The following CCDC146 variants were observed in gnomAD, a reference collection of about 807,000 sequenced individuals.
CCDC146 encodes coiled-coil domain-containing protein 146.
A neutral mutation model predicts 119.3 loss-of-function variants in CCDC146; 92 were observed. The observed-to-expected ratio is 0.77, with a 90% confidence interval of 0.65 to 0.92. The LOEUF (loss-of-function observed/expected upper bound fraction) is 0.92, where lower values mean the gene tolerates loss of function less well. CCDC146 is among the 40% of genes least tolerant of loss of function. The pLI, the probability that CCDC146 is intolerant of heterozygous loss-of-function variation, is 0.00. For missense variants in CCDC146, 1,000 were observed against 1,103.0 expected, an observed-to-expected ratio of 0.91 and a Z score of 1.32; for synonymous variants, 372 against 371.8, an observed-to-expected ratio of 1.00 and a Z score of -0.01.
chr7:77,276,927 C>T (rs1793657187), intron 11 of CCDC146, among the ~76,000 whole-genome samples: 2 of 152,130 alleles, frequency 1.3e-5, no homozygotes, highest in South Asian at 4.1e-4. Context: ...AAAAAATTAG[C>T]CTGGCGTGGT....
chr7:77,259,566 G>T (rs1014910658), intron 7 of CCDC146, among the ~76,000 whole-genome samples: 13 of 152,088 alleles, frequency 8.5e-5, no homozygotes, highest in Non-Finnish European at 1.8e-4. Context: ...TTTAAGTGAA[G>T]ATACAAAAAT....
At chr7:77,132,681 G>A (rs1790802601) in intron 1 of CCDC146, among the ~76,000 whole-genome samples, 1 of 151,986 alleles carries the variant, frequency 6.6e-6, no homozygotes, top group Admixed American at 6.6e-5. Flanking sequence ...AGGCTGCAGT[G>A]AGCTATGATT....
intron 1 of CCDC146, 40 bp from the exon 2 acceptor site, chr7:77,167,618 A>G: frequency 2.2e-6 from 3 of 1,380,356 alleles, no homozygotes; most frequent in Non-Finnish European, 2.9e-6. Flanking sequence ...ATAAGTGAAG[A>G]CACTCCTAAA....
intron 17 of CCDC146, among the ~76,000 whole-genome samples, chr7:77,290,060 C>T (rs1440036929): frequency 7.1e-6 from 1 of 140,410 alleles, no homozygotes; most frequent in Non-Finnish European, 1.5e-5. Flanking sequence ...TACTATGCAG[C>T]CAAAAAAAGG....
intron 1 of CCDC146, among the ~76,000 whole-genome samples, chr7:77,139,124 A>G (rs553088656): frequency 0.012 from 1,762 of 152,360 alleles, 26 homozygotes; most frequent in African/African-American, 0.04. Context: ...CCTTCAGTAA[A>G]TGAATGAATA....
intron 4 of CCDC146, chr7:77,246,589 C>T (rs1391215481): frequency 6.6e-6 from 1 of 152,062 alleles, no homozygotes; most frequent in Non-Finnish European, 1.5e-5. Flanking sequence ...CCCCAGTAAT[C>T]CCATGCAAAA....
chr7:77,124,873 T>A (rs1374075852), intron 1 of CCDC146, among the ~76,000 whole-genome samples: 1 of 151,472 alleles, frequency 6.6e-6, no homozygotes, highest in Non-Finnish European at 1.5e-5. Flanking sequence ...TAGGGTTACT[T>A]GTAAGAGAAA....
At chr7:77,208,023 C>T (rs1408157593) in intron 2 of CCDC146, among the ~76,000 whole-genome samples, 1 of 152,166 alleles carries the variant, frequency 6.6e-6, no homozygotes, top group African/African-American at 2.4e-5. Flanking sequence ...ACATCCTTGA[C>T]TTTGTGGTGC....
chr7:77,230,395 C>T (rs1257113570), intron 2 of CCDC146, among the ~76,000 whole-genome samples: 1 of 152,028 alleles, frequency 6.6e-6, no homozygotes, highest in Non-Finnish European at 1.5e-5. Flanking sequence ...GGTGTGCCAG[C>T]AATGATTTTC....
chr7:77,237,559 T>C (rs1792761159), intron 3 of CCDC146, among the ~76,000 whole-genome samples: 1 of 152,200 alleles, frequency 6.6e-6, no homozygotes, highest in African/African-American at 2.4e-5. Context: ...TGACAGTCTC[T>C]GCATAGGACA....
At chr7:77,275,477 G>T (rs539930553) in intron 11 of CCDC146, among the ~76,000 whole-genome samples, 1 of 152,308 alleles carries the variant, frequency 6.6e-6, no homozygotes, top group South Asian at 2.1e-4. Context: ...ATGATCGGAG[G>T]ATTTGAACAG....
At chr7:77,148,516 T>C (rs901810709) in intron 1 of CCDC146, among the ~76,000 whole-genome samples, 7 of 152,058 alleles carry the variant, frequency 4.6e-5, no homozygotes, top group African/African-American at 1.7e-4. Context: ...CTAGGAGCTG[T>C]AGACTGCAGC....
At chr7:77,276,737 G>A (rs567199296) in intron 11 of CCDC146, among the ~76,000 whole-genome samples, 1 of 152,168 alleles carries the variant, frequency 6.6e-6, no homozygotes. Flanking sequence ...CGGGTAAGAT[G>A]CAGGAGCAGG....
intron 2 of CCDC146, chr7:77,198,425 C>A: frequency 2.2e-6 from 1 of 445,284 alleles, no homozygotes; most frequent in Non-Finnish European, 3.0e-6. Context: ...GTCAATACCA[C>A]TGTTAGTTCG....
chr7:77,194,517 G>A (rs1051947690), intron 2 of CCDC146: 1 of 151,902 alleles, frequency 6.6e-6, no homozygotes, highest in African/African-American at 2.4e-5. Flanking sequence ...TTAACTGAAA[G>A]CTTTGGGTTA....
intron 1 of CCDC146, 31 bp from the exon 2 acceptor site, chr7:77,167,627 A>C (rs765808196): frequency 9.5e-6 from 14 of 1,472,058 alleles, no homozygotes; most frequent in African/African-American, 1.5e-5. Context: ...GACACTCCTA[A>C]ATAGCCACAT....
chr7:77,242,029 C>T, intron 4 of CCDC146, 129 bp downstream of exon 4: 4 of 683,118 alleles, frequency 5.9e-6, no homozygotes, highest in Non-Finnish European at 1.0e-5. Context: ...ACCTAGTTCT[C>T]TTGATTCCTT....
chr7:77,285,852 A>G lies in CCDC146; in HGVS notation c.2149-946A>G, dbSNP rs376564521. Among the ~76,000 whole-genome samples the G allele has an allele frequency of 1.4e-4, 22 of 152,378 alleles. No homozygotes were observed. The South Asian group carries it at 4.6e-3, about 32-fold the overall frequency. ...GGGATTTAGCAGAAAAAATACAAAT[A>G]GCCCAAGCTGTTCCTCACAGAGTGT... On this transcript the variant is annotated intron_variant, in intron 15 of 18. Coordinates refer to ENST00000285871, the MANE Select transcript of CCDC146 (RefSeq NM_020879.3).
chr7:77,186,320 G>C (rs112438460), intron 2 of CCDC146, among the ~76,000 whole-genome samples: 1 of 152,108 alleles, frequency 6.6e-6, no homozygotes, highest in African/African-American at 2.4e-5. Flanking sequence ...AAAAAATAAT[G>C]AGATCCCATC....
Sources: gnomAD v4.1 joint callset for allele counts (sites outside exome capture counted in the v4.1 genomes callset) on GRCh38, gnomAD v4.1.1 for gene constraint, MANE v1.5 for transcripts, NCBI Gene and HGNC (gene_info 2026-07-23, HGNC 2026-07-21) for gene names.